SPTBN1: variants seen among roughly 807,000 people sequenced by gnomAD.
SPTBN1 encodes the protein spectrin beta chain, non-erythrocytic 1.
A neutral mutation model predicts 266.4 loss-of-function variants in SPTBN1; 32 were observed. The observed-to-expected ratio is 0.12, with a 90% CI of 0.09 to 0.16. The LOEUF is 0.16. SPTBN1 is among the 10% of genes least tolerant of loss of function. SPTBN1 has a pLI of 1.00. For synonymous variants in SPTBN1, 1,336 were observed against 1,162.2 expected (o/e 1.15, Z -3.04); for missense variants, 2,296 against 3,067.1 (o/e 0.75, Z 5.94).
intron 2 of SPTBN1, among the ~76,000 whole-genome samples, chr2:54,567,597 G>C (rs1042121835): frequency 2.0e-5 from 3 of 152,100 alleles, no homozygotes; most frequent in African/African-American, 7.2e-5. Context: ...TTCACGGATT[G>C]CAAGTGCAAT....
At chr2:54,478,213 TC>T (rs1667936092) in intron 1 of SPTBN1, among the ~76,000 whole-genome samples, 1 of 152,078 alleles carries the variant, frequency 6.6e-6, no homozygotes, top group Admixed American at 6.6e-5. Context: ...TGGCAGGTCT[TC>T]CCCGGGGAAG....
At chr2:54,633,034 A>AACTG (rs142926110) in intron 17 of SPTBN1, among the ~76,000 whole-genome samples, 1 of 152,172 alleles carries the variant, frequency 6.6e-6, no homozygotes, top group Non-Finnish European at 1.5e-5. Flanking sequence ...GAGGACCTGT[A>AACTG]AGAGCCGTAG....
At chr2:54,535,509 T>C (rs1244870540) in intron 2 of SPTBN1, among the ~76,000 whole-genome samples, 2 of 152,244 alleles carry the variant, frequency 1.3e-5, no homozygotes, top group Non-Finnish European at 2.9e-5. Flanking sequence ...TGTGGCCTTT[T>C]TGTGTCTAAC....
intron 3 of SPTBN1, among the ~76,000 whole-genome samples, chr2:54,600,432 C>T (rs571928946): frequency 9.2e-5 from 14 of 151,922 alleles, no homozygotes; most frequent in Non-Finnish European, 1.8e-4. Flanking sequence ...TCACACTAGA[C>T]AAACTAGACA....
intron 34 of SPTBN1, among the ~76,000 whole-genome samples, chr2:54,667,173 T>A (rs975855739): frequency 6.6e-6 from 1 of 152,200 alleles, no homozygotes; most frequent in Non-Finnish European, 1.5e-5. Flanking sequence ...ACATTTTCTG[T>A]TTGCCTATTC....
At chr2:54,522,810 GGC>G (rs1238777614) in intron 1 of SPTBN1, among the ~76,000 whole-genome samples, 3 of 152,110 alleles carry the variant, frequency 2.0e-5, no homozygotes, top group Non-Finnish European at 4.4e-5. Flanking sequence ...GGCCAGGCTG[GGC>G]TTCTGCAGGA....
chr2:54,458,137 T>C (rs1166720354), intron 1 of SPTBN1, among the ~76,000 whole-genome samples: 2 of 152,278 alleles, frequency 1.3e-5, no homozygotes, highest in Non-Finnish European at 2.9e-5. Flanking sequence ...CCTTCACAAC[T>C]GTGACATTAC....
At chr2:54,594,833 C>CTTTTTTCTTT (rs1553455349) in intron 2 of SPTBN1, among the ~76,000 whole-genome samples, 2 of 104,676 alleles carry the variant, frequency 1.9e-5, no homozygotes, top group South Asian at 2.8e-4. Flanking sequence ...TGGTAAGTTT[C>CTTTTTTCTTT]TTTTTTTTTT....
At chr2:54,657,809 C>T (rs1680774601) in intron 29 of SPTBN1, 41 bp from the exon 30 acceptor site, 4 of 1,612,894 alleles carry the variant, frequency 2.5e-6, no homozygotes, top group Non-Finnish European at 3.4e-6. Context: ...CTGCCCGGCA[C>T]CTCCTGGTCA....
At chr2:54,577,587 G>C (rs552739469) in intron 2 of SPTBN1, among the ~76,000 whole-genome samples, 1 of 152,308 alleles carries the variant, frequency 6.6e-6, no homozygotes, top group East Asian at 1.9e-4. Flanking sequence ...CCTTGTGCAG[G>C]CATTGTCCTA....
In SPTBN1 at chr2:54,667,665, T is replaced by C; in HGVS notation, c.6876+19T>C. The stretch of plus-strand genomic sequence containing the variant: ...AGACGATGTAAGTTTCTAAATGTTA[T>C]TTCTCTCCACTACTTAGGAGTTTGC... On this transcript the variant is annotated intron_variant, in intron 35 of 35. Coordinates refer to ENST00000356805, the MANE Select transcript of SPTBN1 (RefSeq NM_003128.3). 1 of 1,611,752 alleles carries C rather than the reference T, an allele frequency of 6.2e-7. No homozygotes were observed. Among genetic ancestry groups the C allele is most frequent in the Non-Finnish European group, 8.5e-7 (1 of 1,177,858 alleles).
chr2:54,650,807 G>C (rs1446886538), intron 26 of SPTBN1, among the ~76,000 whole-genome samples: 1 of 152,210 alleles, frequency 6.6e-6, no homozygotes, highest in East Asian at 1.9e-4. Flanking sequence ...AATGAGCGTA[G>C]CTGTGTTCCA....
chr2:54,538,528 C>A (rs1671750367), intron 2 of SPTBN1, among the ~76,000 whole-genome samples: 1 of 152,216 alleles, frequency 6.6e-6, no homozygotes, highest in African/African-American at 2.4e-5. Context: ...TTCCTGAAAA[C>A]CTGAATCTTA....
At chr2:54,504,732 G>A (rs1314419683) in intron 1 of SPTBN1, among the ~76,000 whole-genome samples, 1 of 152,060 alleles carries the variant, frequency 6.6e-6, no homozygotes, top group Non-Finnish European at 1.5e-5. Flanking sequence ...TGGGTAGTGA[G>A]GGATGACTGT....
At chr2:54,657,619 A>G (rs1680761863) in intron 29 of SPTBN1, among the ~76,000 whole-genome samples, 1 of 152,270 alleles carries the variant, frequency 6.6e-6, no homozygotes, top group Non-Finnish European at 1.5e-5. Flanking sequence ...ATACACTATT[A>G]AAGTTAATTT....
At chr2:54,560,608 A>G (rs185135255) in intron 2 of SPTBN1, among the ~76,000 whole-genome samples, 1 of 152,332 alleles carries the variant, frequency 6.6e-6, no homozygotes, top group East Asian at 1.9e-4. Context: ...CTGTTTCTCA[A>G]GGAAATCCCT....
chr2:54,598,290 G>A (rs768422178), intron 2 of SPTBN1, among the ~76,000 whole-genome samples: 7 of 152,178 alleles, frequency 4.6e-5, no homozygotes, highest in Non-Finnish European at 7.3e-5. Flanking sequence ...CCTTTTCAGC[G>A]AAGGATCACA....
intron 18 of SPTBN1, among the ~76,000 whole-genome samples, chr2:54,640,851 C>T (rs1051197537): frequency 1.3e-5 from 2 of 152,206 alleles, no homozygotes; most frequent in African/African-American, 2.4e-5. Context: ...CACGCCTGGC[C>T]GGTAGTGTTA....
intron 2 of SPTBN1, among the ~76,000 whole-genome samples, chr2:54,548,532 T>G (rs1245852447): frequency 6.6e-6 from 1 of 152,168 alleles, no homozygotes; most frequent in Non-Finnish European, 1.5e-5. Flanking sequence ...TTTCCCTGAT[T>G]CCAAGCCCTG....
Sources: gnomAD v4.1 joint callset for allele counts (sites outside exome capture counted in the v4.1 genomes callset) on GRCh38, gnomAD v4.1.1 for gene constraint, MANE v1.5 for transcripts, NCBI Gene and HGNC (gene_info 2026-07-23, HGNC 2026-07-21) for gene names.